KDSR: variants seen among roughly 807,000 people sequenced by gnomAD.
KDSR encodes the protein 3-ketodihydrosphingosine reductase, also known as 3-dehydrosphinganine reductase.
KDSR carries 23 observed loss-of-function variants against 41.3 expected under a neutral mutation model. The observed-to-expected ratio is 0.56, with a 90% CI of 0.40 to 0.79. KDSR has a LOEUF of 0.79. Among genes scored for constraint, KDSR ranks in the 30% least tolerant of loss-of-function variants. KDSR has a pLI of 0.00. For missense variants in KDSR, 351 were observed against 416.8 expected (o/e 0.84, Z 1.37); for synonymous variants, 138 against 151.7 (o/e 0.91, Z 0.66).
intron 8 of KDSR, 86 bp from the exon 9 acceptor site, chr18:63,335,444 G>A: frequency 1.1e-6 from 1 of 894,346 alleles, no homozygotes; most frequent in Non-Finnish European, 1.8e-6. Context: ...AGTGGAGTGT[G>A]CTCGTTCACT....
chr18:63,364,109 C>T (rs775018970), intron 1 of KDSR, among the ~76,000 whole-genome samples: 4 of 152,158 alleles, frequency 2.6e-5, no homozygotes, highest in Admixed American at 6.5e-5. Context: ...TCCCTTGCAA[C>T]GAATGCTCTT....
intron 6 of KDSR, among the ~76,000 whole-genome samples, chr18:63,350,361 T>C (rs1343197436): frequency 8.5e-5 from 13 of 152,208 alleles, no homozygotes. Context: ...TTCTTTAAGA[T>C]ATAAAAATAT....
At chr18:63,355,726 C>A (rs1328965738) in intron 3 of KDSR, among the ~76,000 whole-genome samples, 163 bp from the exon 4 acceptor site, 1 of 152,166 alleles carries the variant, frequency 6.6e-6, no homozygotes, top group Admixed American at 6.5e-5. Flanking sequence ...ATCTAATTTT[C>A]TTGGCAGCTT....
In KDSR at chr18:63,330,338, T is replaced by G. The variant is rs1478340242; in HGVS notation, c.*1444A>C. Reference sequence around the variant, plus strand: ...TACCGTATATGCAAGGAAGACAGGTTACAAGATCAAGGTGAAGGCAGCTCT... The same window carrying G: ...TACCGTATATGCAAGGAAGACAGGTGACAAGATCAAGGTGAAGGCAGCTCT... On this transcript the variant is annotated 3_prime_UTR_variant, in exon 10 of 10. Coordinates refer to ENST00000645214, the MANE Select transcript of KDSR (RefSeq NM_002035.4). The G allele has an allele frequency of 4.4e-6, 1 of 224,760 alleles. No homozygotes were observed. The highest frequency in any genetic ancestry group is 8.9e-6 in the Non-Finnish European group (1 of 112,830). The allele number at this position is 224,760 out of a possible 1,614,324, so 13.9% of individuals were successfully genotyped here.
chr18:63,350,373 A>G (rs951149858), intron 6 of KDSR, among the ~76,000 whole-genome samples: 2 of 152,208 alleles, frequency 1.3e-5, no homozygotes, highest in Admixed American at 6.5e-5. Flanking sequence ...TAAAAATATA[A>G]ATATTGGGAG....
chr18:63,340,367 G>GA (rs1267461436), intron 7 of KDSR, among the ~76,000 whole-genome samples: 18 of 152,138 alleles, frequency 1.2e-4, no homozygotes, highest in Admixed American at 5.2e-4. Flanking sequence ...AGAATAGGGG[G>GA]AAAAAACCTA....
chr18:63,353,631 CA>C (rs1914719120), intron 5 of KDSR, among the ~76,000 whole-genome samples: 1 of 152,108 alleles, frequency 6.6e-6, no homozygotes, highest in African/African-American at 2.4e-5. Flanking sequence ...TCGATCCATA[CA>C]AAGGAATATC....
At chr18:63,342,435 C>T (rs945297903) in intron 7 of KDSR, among the ~76,000 whole-genome samples, 4 of 152,070 alleles carry the variant, frequency 2.6e-5, no homozygotes, top group African/African-American at 9.7e-5. Flanking sequence ...ACGGGGACGA[C>T]CCCAGGAGAA....
intron 9 of KDSR, among the ~76,000 whole-genome samples, chr18:63,334,958 G>A (rs765431787): frequency 3.3e-5 from 5 of 152,192 alleles, no homozygotes; most frequent in Non-Finnish European, 5.9e-5. Flanking sequence ...ACACATTGGA[G>A]CAGTGGTTCT....
At position 63,354,633 on chromosome 18, in the gene KDSR, A is replaced by G. The variant is rs369037394; in HGVS notation, c.417+571T>C. ...CAGTGAGCTGAGATCACGCCACTGCACTCCAGCCTGAGTGACAGAGTGAAA... is the reference window on the plus strand; with the variant it reads ...CAGTGAGCTGAGATCACGCCACTGCGCTCCAGCCTGAGTGACAGAGTGAAA... On this transcript the variant is annotated intron_variant, in intron 5 of 9. Transcript: ENST00000645214. 2.6e-5 allele frequency among the ~76,000 whole-genome samples: 4 copies of G among 152,212 alleles called. No homozygotes were observed. The East Asian group carries it at 5.8e-4, about 22-fold the overall frequency.
intron 5 of KDSR, among the ~76,000 whole-genome samples, chr18:63,354,810 C>A (rs1428177030): frequency 1.3e-5 from 2 of 152,110 alleles, no homozygotes; most frequent in Admixed American, 6.5e-5. Context: ...GATTTGAGAA[C>A]TCTAGTGAGT....
intron 7 of KDSR, among the ~76,000 whole-genome samples, chr18:63,342,653 T>G (rs1202996892): frequency 3.9e-5 from 6 of 152,304 alleles, no homozygotes; most frequent in East Asian, 1.9e-4. Flanking sequence ...CTGATTTAAC[T>G]AAAGAGATGG....
chr18:63,358,347 T>C (rs1307272895), intron 3 of KDSR, among the ~76,000 whole-genome samples: 1 of 152,162 alleles, frequency 6.6e-6, no homozygotes, highest in Non-Finnish European at 1.5e-5. Context: ...ATGGAGATTC[T>C]TCACGGGGTG....
At chr18:63,341,814 T>G (rs1914347865) in intron 7 of KDSR, among the ~76,000 whole-genome samples, 1 of 152,164 alleles carries the variant, frequency 6.6e-6, no homozygotes, top group Non-Finnish European at 1.5e-5. Flanking sequence ...AATCAATAAA[T>G]GCTCACAGAA....
chr18:63,341,328 T>TA (rs1914334600), intron 7 of KDSR, among the ~76,000 whole-genome samples: 1 of 152,154 alleles, frequency 6.6e-6, no homozygotes, highest in Admixed American at 6.5e-5. Context: ...GGCAAGAAGC[T>TA]ATTTTTAAAA....
chr18:63,359,086 G>A, intron 3 of KDSR, among the ~76,000 whole-genome samples: 1 of 148,162 alleles, frequency 6.7e-6, no homozygotes, highest in East Asian at 2.1e-4. Flanking sequence ...GGCTGAGGTG[G>A]GAGGACTGCT....
At chr18:63,351,163 T>A in intron 5 of KDSR, 84 bp from the exon 6 acceptor site, 1 of 1,144,358 alleles carries the variant, frequency 8.7e-7, no homozygotes, top group Non-Finnish European at 1.2e-6. Flanking sequence ...TGGATTTCAG[T>A]TCTTCAATGC....
chr18:63,339,623 CTCTT>C (rs1242883761), intron 7 of KDSR, among the ~76,000 whole-genome samples: 2 of 152,254 alleles, frequency 1.3e-5, no homozygotes, highest in Admixed American at 1.3e-4. Flanking sequence ...AGTAACCTCT[CTCTT>C]TCTTCTGTGA....
In KDSR at chr18:63,331,625, T is replaced by C. The variant is rs192063026; in HGVS notation, c.*157A>G. ...ATAATACTGTCAGGAGGTGAACTTCTAGCCCCTTGCTTGCAGCCACATTCC... is the reference window on the plus strand; with the variant it reads ...ATAATACTGTCAGGAGGTGAACTTCCAGCCCCTTGCTTGCAGCCACATTCC... On this transcript the variant is annotated 3_prime_UTR_variant, in exon 10 of 10. Transcript: ENST00000645214. 54 of 623,884 alleles carry C rather than the reference T, an allele frequency of 8.7e-5. No homozygotes were observed. The African/African-American group carries it at 9.3e-4, about 11-fold the overall frequency. 38.6% of individuals were successfully genotyped at this position (623,884 alleles called of 1,614,324 possible). A position where few individuals can be genotyped will look rare whatever the true frequency, so the allele number is the denominator to read the frequency against.
Sources: allele counts gnomAD v4.1 joint callset (sites outside exome capture counted in the v4.1 genomes callset), GRCh38; gene constraint gnomAD v4.1.1; transcripts MANE v1.5; gene names NCBI Gene and HGNC (gene_info 2026-07-23, HGNC 2026-07-21).